GOLGA3: variants seen among roughly 807,000 people sequenced by gnomAD.
GOLGA3 encodes golgin subfamily A member 3.
In GOLGA3, 75 loss-of-function variants were observed where a neutral mutation model predicts 169.4. The observed-to-expected ratio is 0.44, with a 90% CI of 0.37 to 0.54. The LOEUF is 0.54. Among genes scored for constraint, GOLGA3 ranks in the 20% least tolerant of loss-of-function variants. The pLI, the probability that GOLGA3 is intolerant of heterozygous loss-of-function variation, is 0.00. For synonymous variants in GOLGA3, 824 were observed against 822.4 expected, an observed-to-expected ratio of 1.00 and a Z score of -0.03; for missense variants, 1,899 against 1,930.0, an observed-to-expected ratio of 0.98 and a Z score of 0.30.
chr12:132,787,374 T>C (rs1564644), intron 13 of GOLGA3, among the ~76,000 whole-genome samples: 146,211 of 151,596 alleles, frequency 0.96, 70,730 homozygotes, highest in East Asian at 1. Context: ...CTCCAAACCC[T>C]CAGGACCCAG....
At chr12:132,814,684 G>A (rs1949878519) in intron 3 of GOLGA3, among the ~76,000 whole-genome samples, 1 of 152,234 alleles carries the variant, frequency 6.6e-6, no homozygotes. Flanking sequence ...CAGGGTAAAT[G>A]CTGCACAGGC....
At chr12:132,805,076 CA>C in intron 6 of GOLGA3, 54 bp from the exon 7 acceptor site, 4 of 1,557,618 alleles carry the variant, frequency 2.6e-6, no homozygotes, top group Non-Finnish European at 3.5e-6. Flanking sequence ...CACTTCCATC[CA>C]GTGTATTAAC....
chr12:132,820,558 T>C (rs1950163605), intron 2 of GOLGA3, among the ~76,000 whole-genome samples: 1 of 152,100 alleles, frequency 6.6e-6, no homozygotes, highest in Admixed American at 6.5e-5. Context: ...CGCCTGAGTA[T>C]CATTTTACAG....
At chr12:132,826,269 G>T in intron 1 of GOLGA3, 1 of 1,141,226 alleles carries the variant, frequency 8.8e-7, no homozygotes, top group Non-Finnish European at 1.2e-6. Flanking sequence ...GAAACTGGAA[G>T]AGCAGCATCA....
At position 132,801,812 on chromosome 12, in the gene GOLGA3, T is replaced by A. The variant is rs1156409577; in HGVS notation, c.1755A>T (p.Ala585=). Residue 585 remains alanine, a synonymous_variant, in exon 8 of 24, where the codon GCA becomes GCT. Transcript: ENST00000450791. The stretch of plus-strand genomic sequence containing the variant: ...CCTGCAGCCTGACGCGGGCCTCCTG[T>A]GCCAGGGCGAGCTGCTGCTGGTACC... ...RQWYQQQLAL[A]QEARVRLQGE... is the part of the protein sequence containing the mutation. 6.2e-7 allele frequency: 1 copy of A among 1,611,030 alleles called. No individual in the cohort carries two copies. The highest frequency in any genetic ancestry group is 1.3e-5 in the African/African-American group (1 of 75,058).
chr12:132,823,648 G>A (rs1188923368), intron 1 of GOLGA3, among the ~76,000 whole-genome samples: 12 of 151,510 alleles, frequency 7.9e-5, no homozygotes, highest in African/African-American at 1.7e-4. Context: ...CTAGCCAGGC[G>A]TGGTGGCAGG....
chr12:132,786,653 A>AACCC, intron 14 of GOLGA3, 40 bp downstream of exon 14: 1 of 465,624 alleles, frequency 2.1e-6, no homozygotes, highest in Non-Finnish European at 3.0e-6. Context: ...CGCACCTCCC[A>AACCC]CCTGGCCCCC....
At position 132,778,984 on chromosome 12, in the gene GOLGA3, G is replaced by A. The variant is rs142789144; in HGVS notation, c.3583-1179C>T. On this transcript the variant is annotated intron_variant, in intron 18 of 23. Transcript: ENST00000450791. ...CACCGTGTGAGCCAGCCTGAACCAC[G>A]GCCCAGCAGCAGGCCCCAGGCCAGG... Among the ~76,000 whole-genome samples, 434 of 150,904 alleles carry A rather than the reference G, an allele frequency of 2.9e-3. 1 individual carries two copies. The highest frequency in any genetic ancestry group is 0.01 in the African/African-American group (424 of 41,534).
intron 1 of GOLGA3, among the ~76,000 whole-genome samples, chr12:132,824,937 C>T (rs1047316637): frequency 6.6e-6 from 1 of 152,166 alleles, no homozygotes; most frequent in Non-Finnish European, 1.5e-5. Context: ...GGAGAAGACA[C>T]CCACAAAACA....
At chr12:132,776,912 C>T (rs2045278956) in intron 20 of GOLGA3, 46 bp downstream of exon 20, 1 of 1,549,180 alleles carries the variant, frequency 6.5e-7, no homozygotes. Flanking sequence ...TCACCCAGGG[C>T]ACCCGTGAGT....
chr12:132,771,570 G>C lies in GOLGA3; in HGVS notation c.*1535C>G, dbSNP rs2044897463. The C allele has an allele frequency of 6.6e-6, 1 of 152,118 alleles. No homozygotes were observed. The allele number at this position is 152,118 out of a possible 1,614,324, so 9.4% of individuals were successfully genotyped here. A position where few individuals can be genotyped will look rare whatever the true frequency, so the allele number is the denominator to read the frequency against. On this transcript the variant is annotated 3_prime_UTR_variant, in exon 24 of 24. Coordinates refer to ENST00000450791, the MANE Select transcript of GOLGA3 (RefSeq NM_001389683.1). ...TAAGGCATCTGTCTCTGAGACACCT[G>C]GGAGAGCACAGCCACCTTCCTCACG...
intron 6 of GOLGA3, among the ~76,000 whole-genome samples, chr12:132,806,348 G>A (rs59417780): frequency 0.2 from 31,125 of 152,228 alleles, 4,118 homozygotes; most frequent in Non-Finnish European, 0.3. Context: ...GGAGGCTCAC[G>A]CTGTAACACT....
In GOLGA3 at chr12:132,816,565, ACTGAGT is replaced by A; in HGVS notation, c.375_380del (p.Arg125_Leu126del). 2 of 1,613,810 alleles carry A rather than the reference ACTGAGT, an allele frequency of 1.2e-6. No homozygotes were observed. Among genetic ancestry groups the A allele is most frequent in the Non-Finnish European group, 1.7e-6 (2 of 1,179,814 alleles). ...ACAGTTGCGTTTCTTGCATAGGAAG[ACTGAGT>A]CTGAGAGACTGCAAAGCTTCTTTTC... On this transcript the variant is annotated inframe_deletion, in exon 3 of 24. Transcript: ENST00000450791.
chr12:132,825,909 G>A, intron 1 of GOLGA3: 1 of 966,936 alleles, frequency 1.0e-6, no homozygotes, highest in Admixed American at 1.7e-5. Context: ...TCCATTCGAG[G>A]GCGGATCCTC....
In GOLGA3 at chr12:132,777,126, C is replaced by G. The variant is rs184344126; in HGVS notation, c.3723-36G>C. The G allele has an allele frequency of 6.4e-7, 1 of 1,555,434 alleles. No homozygotes were observed. Among genetic ancestry groups the G allele is most frequent in the Non-Finnish European group, 8.7e-7 (1 of 1,153,440 alleles). On this transcript the variant is annotated intron_variant, in intron 19 of 23. Coordinates refer to ENST00000450791, the MANE Select transcript of GOLGA3 (RefSeq NM_001389683.1). This position sits in a 1 kb window ranked among gnomAD's most constrained non-coding sequence, Gnocchi z 4.7. ...AAAACAAGAAAGAAGGGAATCGCCACGCTCCTCCAGTGTGCTGTGCCCTCC... is the reference window on the plus strand; with the variant it reads ...AAAACAAGAAAGAAGGGAATCGCCAGGCTCCTCCAGTGTGCTGTGCCCTCC...
intron 2 of GOLGA3, among the ~76,000 whole-genome samples, chr12:132,817,114 T>G (rs951751126): frequency 3.0e-5 from 2 of 67,042 alleles, no homozygotes; most frequent in African/African-American, 6.0e-5. Flanking sequence ...TAACGTGAAC[T>G]CACCCTCCAC....
At chr12:132,807,407 T>C (rs186371310) in intron 5 of GOLGA3, 119 bp from the exon 6 acceptor site, 318 of 550,130 alleles carry the variant, frequency 5.8e-4, no homozygotes, top group African/African-American at 5.6e-3. Context: ...TAAAATTAAG[T>C]AAGAGATTTA....
chr12:132,779,002 A>G (rs922995577), intron 18 of GOLGA3, among the ~76,000 whole-genome samples: 3 of 152,048 alleles, frequency 2.0e-5, no homozygotes, highest in Admixed American at 2.0e-4. Context: ...AGCAGGCCCC[A>G]GGCCAGGGTT....
chr12:132,773,747 T>G (rs1192998607), intron 23 of GOLGA3, among the ~76,000 whole-genome samples: 3 of 151,654 alleles, frequency 2.0e-5, no homozygotes, highest in African/African-American at 4.9e-5. Context: ...CCTCAGAGGC[T>G]GTGCGAGTCC....
Sources: gnomAD v4.1 joint callset for allele counts (sites outside exome capture counted in the v4.1 genomes callset) on GRCh38, gnomAD v4.1.1 for gene constraint, Gnocchi (gnomAD v3.1) non-coding constraint, MANE v1.5 for transcripts, NCBI Gene and HGNC (gene_info 2026-07-23, HGNC 2026-07-21) for gene names.